SHANK2: variants seen among roughly 807,000 people sequenced by gnomAD.
The protein encoded by SHANK2 is SH3 and multiple ankyrin repeat domains 2.
A neutral mutation model predicts 133.7 loss-of-function variants in SHANK2; 43 were observed. That is an observed-to-expected ratio of 0.32 (90% CI 0.25 to 0.41). SHANK2 has a LOEUF of 0.41. Among genes scored for constraint, SHANK2 ranks in the 10% least tolerant of loss-of-function variants. The pLI, the probability that SHANK2 is intolerant of heterozygous loss-of-function variation, is 1.00. For missense variants in SHANK2, 1,994 were observed against 2,235.8 expected (o/e 0.89, Z 2.18); for synonymous variants, 1,017 against 952.8 (o/e 1.07, Z -1.24).
At chr11:70,618,893 C>T (rs973350051) in intron 17 of SHANK2, among the ~76,000 whole-genome samples, 2 of 152,198 alleles carry the variant, frequency 1.3e-5, no homozygotes, top group South Asian at 2.1e-4. Flanking sequence ...CCCTGAGAGG[C>T]GTATCCAGGG....
At chr11:70,559,921 G>C (rs1489226329) in intron 17 of SHANK2, among the ~76,000 whole-genome samples, 3 of 151,966 alleles carry the variant, frequency 2.0e-5, no homozygotes, top group Admixed American at 2.0e-4. Context: ...GCCCAGGCTG[G>C]AGCACAGTGG....
At chr11:71,194,712 A>G (rs1324618639) in intron 2 of SHANK2, among the ~76,000 whole-genome samples, 1 of 152,238 alleles carries the variant, frequency 6.6e-6, no homozygotes, top group African/African-American at 2.4e-5. Flanking sequence ...CCAGACCATT[A>G]AAGTGAGCTC....
intron 2 of SHANK2, among the ~76,000 whole-genome samples, chr11:71,220,798 C>T (rs782060028): frequency 6.6e-6 from 1 of 152,034 alleles, no homozygotes; most frequent in Non-Finnish European, 1.5e-5. Context: ...GGGTTCAATG[C>T]GGACAGAGTT....
chr11:71,150,375 GGAGGGAGGGA>G (rs1388105294), intron 2 of SHANK2, among the ~76,000 whole-genome samples: 6 of 103,418 alleles, frequency 5.8e-5, no homozygotes, highest in Non-Finnish European at 1.2e-4. Flanking sequence ...GGAGGGACAA[GGAGGGAGGGA>G]GAGGGAGGGA....
rs75191603 is a variant in SHANK2 at position 71,164,082 on chromosome 11, A to C, written c.-12-16744T>G. ...CCCTCCCAGATGCCAGTGGTCTCCA[A>C]ATTTTCAGGTACCCTGTGTTTGTTC... is the stretch of plus-strand genomic sequence containing the variant. On this transcript the variant is annotated intron_variant, in intron 2 of 25. Transcript: ENST00000601538. 9.1e-4 allele frequency among the ~76,000 whole-genome samples: 138 copies of C among 152,236 alleles called. 1 individual carries two copies. Among genetic ancestry groups the C allele is most frequent in the African/African-American group, 3.3e-3 (135 of 41,532 alleles).
intron 2 of SHANK2, among the ~76,000 whole-genome samples, chr11:71,151,477 G>A (rs1437067232): frequency 6.6e-6 from 1 of 152,112 alleles, no homozygotes; most frequent in Non-Finnish European, 1.5e-5. Flanking sequence ...CTGTAGCTGC[G>A]ATGCCACCCC....
intron 1 of SHANK2, among the ~76,000 whole-genome samples, chr11:71,241,598 G>A (rs148284386): frequency 3.3e-5 from 5 of 152,322 alleles, no homozygotes; most frequent in Non-Finnish European, 7.3e-5. Flanking sequence ...TACTGTCTCT[G>A]GTCCCTGTTT....
At chr11:70,843,588 C>T (rs1367161557) in intron 11 of SHANK2, among the ~76,000 whole-genome samples, 3 of 151,848 alleles carry the variant, frequency 2.0e-5, no homozygotes, top group East Asian at 2.0e-4. Context: ...CACAGAGAGA[C>T]GACCCTGTGA....
intron 17 of SHANK2, among the ~76,000 whole-genome samples, chr11:70,574,435 A>C (rs1554983810): frequency 6.6e-6 from 1 of 152,254 alleles, no homozygotes; most frequent in African/African-American, 2.4e-5. Context: ...GCTCCATCCC[A>C]GCACTGCAAC....
chr11:70,639,658 C>T (rs1591688686), intron 17 of SHANK2, among the ~76,000 whole-genome samples: 1 of 152,190 alleles, frequency 6.6e-6, no homozygotes, highest in East Asian at 1.9e-4. Flanking sequence ...CCCAGCAACA[C>T]ATTAATTGGG....
intron 3 of SHANK2, among the ~76,000 whole-genome samples, chr11:71,145,008 C>T (rs1952617730): frequency 6.6e-6 from 1 of 152,184 alleles, no homozygotes; most frequent in Non-Finnish European, 1.5e-5. Context: ...TTTGTGCTTT[C>T]CTGCATTACT....
intron 14 of SHANK2, among the ~76,000 whole-genome samples, chr11:70,741,749 C>T (rs1323090841): frequency 6.6e-6 from 1 of 152,238 alleles, no homozygotes; most frequent in Non-Finnish European, 1.5e-5. Flanking sequence ...GTGTTGAGCA[C>T]ACAGGCTGCC....
chr11:71,216,461 G>A (rs1954416210), intron 2 of SHANK2, among the ~76,000 whole-genome samples: 1 of 152,184 alleles, frequency 6.6e-6, no homozygotes, highest in Non-Finnish European at 1.5e-5. Flanking sequence ...AGGGCCGGAG[G>A]TGATTGGTTA....
intron 14 of SHANK2, among the ~76,000 whole-genome samples, chr11:70,701,106 C>T (rs1337381633): frequency 3.3e-5 from 5 of 152,106 alleles, no homozygotes; most frequent in African/African-American, 9.7e-5. Context: ...TGGCTGAAAT[C>T]GGAGGCCGGG....
intron 22 of SHANK2, among the ~76,000 whole-genome samples, chr11:70,491,957 AG>A (rs2058892519): frequency 6.6e-6 from 1 of 152,240 alleles, no homozygotes; most frequent in Admixed American, 6.5e-5. Flanking sequence ...GATGTGGGAC[AG>A]ACGGCCTCTT....
intron 2 of SHANK2, among the ~76,000 whole-genome samples, chr11:71,209,987 G>T (rs1277429289): frequency 6.6e-6 from 1 of 151,744 alleles, no homozygotes; most frequent in African/African-American, 2.4e-5. Flanking sequence ...GACGTGGGTT[G>T]TGTGCTGAGG....
rs1161687357 is a variant in SHANK2, at chr11:70,486,153, G to A, written c.4140C>T (p.Ser1380=). The A allele has an allele frequency of 6.2e-7, 1 of 1,613,958 alleles. No homozygotes were observed. The highest frequency in any genetic ancestry group is 1.3e-5 in the African/African-American group (1 of 75,040). ...VPGRTIVAVG[S]MEEAVILPFR... ...ATGGCAAAATCACCGCCTCTTCCATGGAGCCCACCGCGACGATGGTTCTGC... is the reference window on the plus strand; with the variant it reads ...ATGGCAAAATCACCGCCTCTTCCATAGAGCCCACCGCGACGATGGTTCTGC... Residue 1380 remains serine (S), a synonymous_variant, in exon 25 of 26, where the codon TCC becomes TCT. Coordinates refer to ENST00000601538, the MANE Select transcript of SHANK2 (RefSeq NM_012309.5). This position sits in a 1 kb window ranked among gnomAD's most constrained non-coding sequence, Gnocchi z 8.0.
chr11:70,867,607 T>C (rs1426784990), intron 11 of SHANK2, among the ~76,000 whole-genome samples: 13 of 152,340 alleles, frequency 8.5e-5, no homozygotes, highest in Admixed American at 8.5e-4. Flanking sequence ...AGCTCAGCCA[T>C]GTTCCCTCTT....
intron 18 of SHANK2, among the ~76,000 whole-genome samples, 161 bp from the exon 19 acceptor site, chr11:70,502,447 C>T (rs117960456): frequency 0.015 from 2,221 of 152,274 alleles, 20 homozygotes; most frequent in Middle Eastern, 0.027. Flanking sequence ...AGGACAGGTG[C>T]TCAGGAGGAT....
Sources: gnomAD v4.1 joint callset for allele counts (sites outside exome capture counted in the v4.1 genomes callset) on GRCh38, gnomAD v4.1.1 for gene constraint, Gnocchi (gnomAD v3.1) non-coding constraint, MANE v1.5 for transcripts, NCBI Gene and HGNC (gene_info 2026-07-23, HGNC 2026-07-21) for gene names.